TANGO6: variants seen among roughly 807,000 people sequenced by gnomAD.
The protein encoded by TANGO6 is transport and golgi organization 6 homolog, also known as transport and Golgi organization protein 6 homolog.
Under a neutral mutation model 114.2 loss-of-function variants are expected in TANGO6, and 90 were observed. The observed-to-expected ratio is 0.79, with a 90% CI of 0.66 to 0.94. TANGO6 has a LOEUF of 0.94. Among genes scored for constraint, TANGO6 ranks in the 40% least tolerant of loss-of-function variants. TANGO6 has a pLI of 0.00. For synonymous variants in TANGO6, 477 were observed against 509.8 expected (o/e 0.94, Z 0.87); for missense variants, 1,274 against 1,315.3 (o/e 0.97, Z 0.49).
intron 17 of TANGO6, among the ~76,000 whole-genome samples, chr16:69,060,985 C>T (rs376196120): frequency 7.3e-5 from 11 of 150,038 alleles, no homozygotes; most frequent in Admixed American, 2.0e-4. Context: ...AGGGAGACTC[C>T]GTCTAAAAAA....
chr16:69,016,333 G>A (rs965369560), intron 15 of TANGO6, among the ~76,000 whole-genome samples: 1 of 152,078 alleles, frequency 6.6e-6, no homozygotes, highest in African/African-American at 2.4e-5. Flanking sequence ...GGGAGAGGGA[G>A]GTTGCGGTGA....
Position 69,063,802 on chromosome 16 carries a change from CTTCTTCTTATTA to C in TANGO6, c.3109-19680_3109-19669del, listed in dbSNP as rs1478382247. 3.1e-3 allele frequency among the ~76,000 whole-genome samples: 383 copies of C among 124,380 alleles called. 2 individuals carry two copies. Among genetic ancestry groups the C allele is most frequent in the African/African-American group, 0.012 (333 of 27,984 alleles). The allele number at this position is 124,380 out of a possible 152,430, so 81.6% of individuals were successfully genotyped here. ...TACTTTTCTTCTTCTTCTTCTTCTT[CTTCTTCTTATTA>C]TTATTATTATTATTATTATTATTAT... On this transcript the variant is annotated intron_variant, in intron 17 of 17. Transcript: ENST00000261778.
chr16:68,860,660 A>C, intron 2 of TANGO6, 136 bp downstream of exon 2: 2 of 1,177,060 alleles, frequency 1.7e-6, no homozygotes, highest in Non-Finnish European at 2.3e-6. Flanking sequence ...CAATGGATAA[A>C]TGAATCTTTT....
chr16:68,866,699 C>T (rs148334398), intron 3 of TANGO6, among the ~76,000 whole-genome samples: 136 of 150,804 alleles, frequency 9.0e-4, no homozygotes, highest in East Asian at 2.6e-3. Flanking sequence ...AACTTTGGGA[C>T]GCTGAGGTGG....
rs184489760 is a variant in TANGO6 at position 69,081,947 on chromosome 16, C to T, written c.3109-1538C>T. On this transcript the variant is annotated intron_variant, in intron 17 of 17. Coordinates refer to ENST00000261778, the MANE Select transcript of TANGO6 (RefSeq NM_024562.2). Reference sequence around the variant, plus strand: ...CTCCTGGGTTCAAGTGATTCTCCAGCCTCGCCCTCTGAGTAGCTGAGATTA... The same window carrying T: ...CTCCTGGGTTCAAGTGATTCTCCAGTCTCGCCCTCTGAGTAGCTGAGATTA... Among the ~76,000 whole-genome samples, 768 of 151,982 alleles carry T rather than the reference C, an allele frequency of 5.1e-3. 43 individuals are homozygous for T. The highest frequency in any genetic ancestry group is 0.044 in the Admixed American group (668 of 15,238).
intron 16 of TANGO6, among the ~76,000 whole-genome samples, chr16:69,028,441 CCAACATGGT>C (rs566707665): frequency 4.5e-4 from 69 of 151,960 alleles, no homozygotes; most frequent in Middle Eastern, 6.8e-3. Context: ...ACCAACCTGG[CCAACATGGT>C]GAAACCCCCT....
chr16:68,867,134 G>A lies in TANGO6; in HGVS notation c.908G>A (p.Arg303His), dbSNP rs374437663. 8 of 1,613,886 alleles carry A rather than the reference G, an allele frequency of 5.0e-6. No homozygotes were observed. The highest frequency in any genetic ancestry group is 3.3e-5 in the Admixed American group (2 of 59,994). ...MRCRAPAWLR[R>H]LCGQLLSERL... ...TGTCGGGCCCCAGCTTGGCTTCGGC[G>A]TCTATGTGGACAGCTGCTCTCTGAA... Residue 303 changes from arginine (R) to histidine (H), a missense_variant, in exon 4 of 18, where the codon CGT (arginine) becomes CAT (histidine). Arg to His is a conservative substitution (Grantham distance 29, BLOSUM62 0). This residue lies in a region of TANGO6 where 908 missense variants were observed against 910.2 expected (regional missense o/e 1.00). Coordinates refer to ENST00000261778, the MANE Select transcript of TANGO6 (RefSeq NM_024562.2).
chr16:69,073,708 G>A (rs1158593222), intron 17 of TANGO6, among the ~76,000 whole-genome samples: 1 of 152,198 alleles, frequency 6.6e-6, no homozygotes, highest in Non-Finnish European at 1.5e-5. Context: ...TGTAATCCCA[G>A]CATTTTGGGA....
At chr16:68,844,485 C>G (rs1961773237) in intron 1 of TANGO6, among the ~76,000 whole-genome samples, 1 of 152,060 alleles carries the variant, frequency 6.6e-6, no homozygotes, top group Admixed American at 6.6e-5. Context: ...AGATAGAGCT[C>G]TGCTTATCAC....
At chr16:68,927,319 C>T (rs926647355) in intron 12 of TANGO6, among the ~76,000 whole-genome samples, 1 of 152,056 alleles carries the variant, frequency 6.6e-6, no homozygotes, top group African/African-American at 2.4e-5. Context: ...CATTATATCA[C>T]AAGGATATGA....
At chr16:69,049,570 T>C (rs1959916026) in intron 17 of TANGO6, among the ~76,000 whole-genome samples, 2 of 152,054 alleles carry the variant, frequency 1.3e-5, no homozygotes, top group African/African-American at 4.8e-5. Context: ...TAGCTGGGAT[T>C]ACAGGCACTT....
intron 14 of TANGO6, among the ~76,000 whole-genome samples, chr16:68,967,356 T>A (rs376160303): frequency 6.6e-6 from 1 of 152,108 alleles, no homozygotes; most frequent in African/African-American, 2.4e-5. Context: ...ATCCGTTGCC[T>A]CCAATGATCT....
At chr16:69,035,309 C>CAGGATTAACACA (rs1429240733) in intron 16 of TANGO6, 2 of 152,178 alleles carry the variant, frequency 1.3e-5, no homozygotes, top group Admixed American at 1.3e-4. Flanking sequence ...GTCACATTGT[C>CAGGATTAACACA]TTTGCTGTTA....
chr16:68,934,141 C>T lies in TANGO6; in HGVS notation c.2701+3846C>T, dbSNP rs556785070. ...CATTGTTACCTCTAACTCCTGGGCT[C>T]AAGCAGTCCTACCACGTCTGCCTCC... On this transcript the variant is annotated intron_variant, in intron 14 of 17. Coordinates refer to ENST00000261778, the MANE Select transcript of TANGO6 (RefSeq NM_024562.2). Among the ~76,000 whole-genome samples, 5 of 151,622 alleles carry T rather than the reference C, an allele frequency of 3.3e-5. No homozygotes were observed. The East Asian group carries it at 9.7e-4, about 29-fold the overall frequency.
At chr16:68,992,855 G>C (rs1007554399) in intron 15 of TANGO6, among the ~76,000 whole-genome samples, 10 of 152,122 alleles carry the variant, frequency 6.6e-5, no homozygotes, top group African/African-American at 2.4e-4. Context: ...GACCACCTGA[G>C]GTCAGGAGTT....
Position 68,928,080 on chromosome 16 carries a change from CAA to C in TANGO6, c.2641_2642del (p.Lys881AspfsTer9). 6.4e-7 allele frequency: 1 copy of C among 1,574,324 alleles called. No individual in the cohort carries two copies. Among genetic ancestry groups the C allele is most frequent in the South Asian group, 1.2e-5 (1 of 85,788 alleles). ...CCCTTGAGATGCAAGAGAAGCTTCT[CAA>C]GGTGAGTAGAACACACTGTAAAGAC... ...KALEMQEKLL[K>X]IFLENLEHED... On this transcript the variant is annotated frameshift_variant and splice_region_variant, in exon 13 of 18. Transcript: ENST00000261778. LOFTEE classifies it high-confidence loss of function.
At chr16:69,045,156 C>CA (rs34165608) in intron 17 of TANGO6, among the ~76,000 whole-genome samples, 1,511 of 88,336 alleles carry the variant, frequency 0.017, 60 homozygotes, top group East Asian at 0.12. Flanking sequence ...ACTCTTGTCT[C>CA]AAAAAAAAAA....
intron 14 of TANGO6, among the ~76,000 whole-genome samples, chr16:68,966,816 G>T (rs957633221): frequency 6.7e-6 from 1 of 148,792 alleles, no homozygotes; most frequent in African/African-American, 2.5e-5. Context: ...CTGTCACTCA[G>T]GCTGGAGTGC....
chr16:68,885,424 C>T (rs1366549228), intron 7 of TANGO6, among the ~76,000 whole-genome samples: 1 of 152,166 alleles, frequency 6.6e-6, no homozygotes, highest in Non-Finnish European at 1.5e-5. Flanking sequence ...AAAAGAAACT[C>T]GTATCCATTA....
Sources: allele counts gnomAD v4.1 joint callset (sites outside exome capture counted in the v4.1 genomes callset), GRCh38; gene constraint gnomAD v4.1.1; regional missense constraint gnomAD v4.1.1; transcripts MANE v1.5; gene names NCBI Gene and HGNC (gene_info 2026-07-23, HGNC 2026-07-21).